The following PRMT3 variants were observed in gnomAD, a reference collection of about 807,000 sequenced individuals.
The protein encoded by PRMT3 is protein arginine methyltransferase 3.
In PRMT3, 62 loss-of-function variants were observed where a neutral mutation model predicts 71.9. The ratio of observed to expected loss-of-function variants is 0.86; its 90% CI spans 0.70 to 1.07. PRMT3 has a LOEUF of 1.07. PRMT3 is among the 50% of genes least tolerant of loss of function. The pLI is 0.00. For missense variants in PRMT3, 663 were observed against 643.0 expected, an observed-to-expected ratio of 1.03 and a Z score of -0.34; for synonymous variants, 213 against 220.4, an observed-to-expected ratio of 0.97 and a Z score of 0.30.
chr11:20,498,562 C>T (rs1287305389), intron 15 of PRMT3, among the ~76,000 whole-genome samples: 1 of 152,098 alleles, frequency 6.6e-6, no homozygotes, highest in African/African-American at 2.4e-5. Flanking sequence ...AATCCCATCT[C>T]TACTCAAAAT....
intron 2 of PRMT3, among the ~76,000 whole-genome samples, chr11:20,389,261 A>T (rs531916627): frequency 2.0e-5 from 3 of 152,344 alleles, no homozygotes; most frequent in Admixed American, 2.0e-4. Context: ...GGAATACTAC[A>T]AGATCACTTT....
At chr11:20,401,286 T>C (rs1848942756) in intron 7 of PRMT3, among the ~76,000 whole-genome samples, 1 of 152,196 alleles carries the variant, frequency 6.6e-6, no homozygotes, top group Non-Finnish European at 1.5e-5. Context: ...CAAAAATCAC[T>C]GGTTATAGTA....
chr11:20,462,138 ACT>A lies in PRMT3; in HGVS notation c.1234_1235del (p.Leu412TyrfsTer8). On this transcript the variant is annotated frameshift_variant, in exon 12 of 16. Coordinates refer to ENST00000331079, the MANE Select transcript of PRMT3 (RefSeq NM_005788.4). LOFTEE classifies it high-confidence loss of function. ...TGTTGTGGAAGTTTTAGATCCGAAG[ACT>A]CTTATTTCAGAACCTTGTGGTATTA... ...EAVVEVLDPK[T>X]LISEPCGIKH... 3 of 1,610,802 alleles carry A rather than the reference ACT, an allele frequency of 1.9e-6. No individual in the cohort carries two copies. The highest frequency in any genetic ancestry group is 2.2e-5 in the East Asian group (1 of 44,780).
chr11:20,410,581 A>C (rs953853923), intron 9 of PRMT3, among the ~76,000 whole-genome samples: 11 of 152,122 alleles, frequency 7.2e-5, no homozygotes, highest in Admixed American at 7.2e-4. Context: ...AAAGATATTC[A>C]CAGTAATTCT....
chr11:20,456,269 C>T (rs1590077549), intron 11 of PRMT3, among the ~76,000 whole-genome samples: 1 of 152,146 alleles, frequency 6.6e-6, no homozygotes, highest in East Asian at 1.9e-4. Flanking sequence ...TAAACATGTG[C>T]TCAGTCTCTG....
intron 10 of PRMT3, among the ~76,000 whole-genome samples, chr11:20,442,651 A>T (rs1849935151): frequency 1.3e-5 from 2 of 152,182 alleles, no homozygotes; most frequent in African/African-American, 4.8e-5. Flanking sequence ...GCACACATGC[A>T]CACCAACTTT....
chr11:20,443,929 T>G (rs1434587016), intron 10 of PRMT3, among the ~76,000 whole-genome samples: 2 of 152,186 alleles, frequency 1.3e-5, no homozygotes, highest in Non-Finnish European at 1.5e-5. Context: ...TTGGGAACTG[T>G]ATGTTGGAAG....
In PRMT3 at chr11:20,508,947, CAT is replaced by C. The variant is rs1474361181; in HGVS notation, c.*539_*540del. On this transcript the variant is annotated 3_prime_UTR_variant, in exon 16 of 16. Transcript: ENST00000331079. ...AGAGCTTCAGCCTTCATATACAAATCATATATGCAGACAGCCTAGTTGATTAT... is the reference window on the plus strand; with the variant it reads ...AGAGCTTCAGCCTTCATATACAAATCATATGCAGACAGCCTAGTTGATTAT... The C allele has an allele frequency of 2.3e-5, 4 of 176,730 alleles. No homozygotes were observed. The highest frequency in any genetic ancestry group is 9.5e-5 in the African/African-American group (4 of 41,982). 10.9% of individuals were successfully genotyped at this position (176,730 alleles called of 1,614,324 possible). A position where few individuals can be genotyped will look rare whatever the true frequency, so the allele number is the denominator to read the frequency against.
chr11:20,438,862 A>G (rs190782417), intron 10 of PRMT3, among the ~76,000 whole-genome samples: 30 of 151,974 alleles, frequency 2.0e-4, no homozygotes, highest in South Asian at 8.3e-4. Context: ...TGGCCCCAGT[A>G]CTCTTTTCCC....
At chr11:20,504,735 A>AGAGAGAGAGAGAGAGC (rs1565243488) in intron 15 of PRMT3, among the ~76,000 whole-genome samples, 1 of 151,496 alleles carries the variant, frequency 6.6e-6, no homozygotes, top group African/African-American at 2.4e-5. Flanking sequence ...AGAGAGAGAG[A>AGAGAGAGAGAGAGAGC]GAGAGAGAGA....
intron 5 of PRMT3, among the ~76,000 whole-genome samples, 153 bp from the exon 6 acceptor site, chr11:20,395,650 G>C (rs546204014): frequency 2.7e-4 from 41 of 152,238 alleles, no homozygotes; most frequent in African/African-American, 9.6e-4. Context: ...ACTGTGCAAA[G>C]CCAAGATGAT....
rs77792946 is a variant in PRMT3, at chr11:20,397,743, G to A, written c.705+22G>A. 1.6e-3 allele frequency: 2,648 copies of A among 1,610,648 alleles called. 36 individuals are homozygous for A. The African/African-American group carries it at 0.03, about 18-fold the overall frequency. The stretch of plus-strand genomic sequence containing the variant: ...AAAGGTTAGAAAAGAACACAAATGC[G>A]TCAAATCCATACTAAAGGAAAAATA... On this transcript the variant is annotated intron_variant, in intron 7 of 15. Transcript: ENST00000331079.
chr11:20,409,908 G>A (rs1232373756), intron 9 of PRMT3, among the ~76,000 whole-genome samples: 1 of 151,968 alleles, frequency 6.6e-6, no homozygotes, highest in Non-Finnish European at 1.5e-5. Context: ...AAATTTTATT[G>A]TTGATAGTAA....
intron 11 of PRMT3, among the ~76,000 whole-genome samples, chr11:20,460,104 G>A (rs796800284): frequency 9.2e-5 from 14 of 152,242 alleles, no homozygotes; most frequent in African/African-American, 3.4e-4. Context: ...AAATCTTATC[G>A]TGGGCTTTAT....
chr11:20,481,937 T>A (rs950157155), intron 13 of PRMT3, among the ~76,000 whole-genome samples: 5 of 152,130 alleles, frequency 3.3e-5, no homozygotes, highest in Non-Finnish European at 7.4e-5. Context: ...ACATTACCAT[T>A]ATGAAAAAAT....
chr11:20,494,240 T>C lies in PRMT3; in HGVS notation c.1472T>C (p.Phe491Ser). ...KQTVFLLEKP[F>S]SVKAGEALKG... ...ACAGTATTTCTACTGGAAAAACCAT[T>C]TTCAGTTAAAGCAGGTGAGAAAGAA... The change falls in exon 15 of 16, where the codon TTT (phenylalanine) becomes TCT (serine). Residue 491 changes from phenylalanine (F) to serine (S), a missense_variant. Coordinates refer to ENST00000331079, the MANE Select transcript of PRMT3 (RefSeq NM_005788.4). 1 of 1,598,902 alleles carries C rather than the reference T, an allele frequency of 6.3e-7. No individual in the cohort carries two copies. The highest frequency in any genetic ancestry group is 1.3e-5 in the African/African-American group (1 of 74,726).
chr11:20,403,590 T>G (rs570325812), intron 8 of PRMT3, among the ~76,000 whole-genome samples: 1 of 152,278 alleles, frequency 6.6e-6, no homozygotes, highest in South Asian at 2.1e-4. Flanking sequence ...CTTTTCTTCC[T>G]TACACTTTTT....
chr11:20,505,525 C>G (rs904419044), intron 15 of PRMT3, among the ~76,000 whole-genome samples: 5 of 152,068 alleles, frequency 3.3e-5, no homozygotes, highest in African/African-American at 4.8e-5. Context: ...TAAGTTAAAC[C>G]CAATAACCAA....
At chr11:20,505,318 G>A (rs1851564898) in intron 15 of PRMT3, among the ~76,000 whole-genome samples, 1 of 151,976 alleles carries the variant, frequency 6.6e-6, no homozygotes, top group Non-Finnish European at 1.5e-5. Flanking sequence ...ACTTTATGTT[G>A]GGTCTCTGGA....
Sources: gnomAD v4.1 joint callset for allele counts (sites outside exome capture counted in the v4.1 genomes callset) on GRCh38, gnomAD v4.1.1 for gene constraint, MANE v1.5 for transcripts, NCBI Gene and HGNC (gene_info 2026-07-23, HGNC 2026-07-21) for gene names.